The following IFT140 variants were observed in gnomAD, a reference collection of about 807,000 sequenced individuals.
The protein encoded by IFT140 is intraflagellar transport protein 140 homolog.
Under a neutral mutation model 164.6 loss-of-function variants are expected in IFT140, and 133 were observed. That is an observed-to-expected ratio of 0.81 (90% confidence interval 0.70 to 0.93). The LOEUF (loss-of-function observed/expected upper bound fraction) is 0.93. Ranked by LOEUF, IFT140 falls within the 40% of genes least tolerant of loss-of-function variation. The probability of loss-of-function intolerance (pLI) is 0.00; values close to 1 mark genes in which losing one functional copy is unlikely to be tolerated. For missense variants in IFT140, 2,045 were observed against 1,972.3 expected, an observed-to-expected ratio of 1.04 and a Z score of -0.70; for synonymous variants, 860 against 817.3, an observed-to-expected ratio of 1.05 and a Z score of -0.89.
intron 19 of IFT140, among the ~76,000 whole-genome samples, chr16:1,550,792 A>T (rs745926557): frequency 6.6e-6 from 1 of 152,194 alleles, no homozygotes; most frequent in African/African-American, 2.4e-5. Context: ...TGACTTCCCC[A>T]TCTCTCTAAG....
intron 19 of IFT140, 24 bp downstream of exon 19, chr16:1,557,911 C>T (rs769385632): frequency 1.5e-5 from 24 of 1,608,534 alleles, no homozygotes; most frequent in Middle Eastern, 2.0e-4. Context: ...TATCTCCCAA[C>T]ATCCCAGTGG....
intron 4 of IFT140, among the ~76,000 whole-genome samples, chr16:1,600,202 A>G (rs1181958134): frequency 1.4e-5 from 2 of 146,118 alleles, no homozygotes; most frequent in South Asian, 2.3e-4. Flanking sequence ...TCAGGGTTGA[A>G]TGGATTAAGG....
chr16:1,568,155 C>T, intron 15 of IFT140, 62 bp downstream of exon 15: 6 of 1,202,784 alleles, frequency 5.0e-6, no homozygotes, highest in Non-Finnish European at 7.2e-6. Context: ...AGGCAGGAGG[C>T]CTGGCCTGGG....
rs757082667 is a variant in IFT140, at chr16:1,602,557, G to A, written c.182C>T (p.Pro61Leu). The A allele has an allele frequency of 4.3e-6, 7 of 1,613,482 alleles. No homozygotes were observed. Among genetic ancestry groups the A allele is most frequent in the East Asian group, 2.2e-5 (1 of 44,906 alleles). ...ECVPDTHVERPFRVASLCWHP... is the reference protein window; with the variant it reads ...ECVPDTHVERLFRVASLCWHP... ...CCAGCACAGGGAAGCAACCCGGAAC[G>A]GCCTCTCGACGTGTGTATCTGGCAC... The change falls in exon 4 of 31, where the codon CCG becomes CTG. Residue 61 changes from proline (P) to leucine (L), a missense_variant. Transcript: ENST00000426508.
Position 1,568,200 on chromosome 16 carries a change from A to G in IFT140, c.1770+17T>C, listed in dbSNP as rs1355880274. Reference sequence around the variant, plus strand: ...GTGAGGAGGCGGAGTGGGCGAGTGGACGAGGGGTGGCCTCACCTTGCTGGG... The same window carrying G: ...GTGAGGAGGCGGAGTGGGCGAGTGGGCGAGGGGTGGCCTCACCTTGCTGGG... On this transcript the variant is annotated intron_variant, in intron 15 of 30. Coordinates refer to ENST00000426508, the MANE Select transcript of IFT140 (RefSeq NM_014714.4). 6.4e-7 allele frequency: 1 copy of G among 1,562,208 alleles called. No individual in the cohort carries two copies. The highest frequency in any genetic ancestry group is 1.8e-5 in the Admixed American group (1 of 54,258).
In IFT140 at chr16:1,520,489, A is replaced by C. The variant is rs2040489650; in HGVS notation, c.3660+113T>G. ...TAGTGGTTGTGCTCTTCCTGGCCAGAAAGGCTCAGCCCTAGCTTGGGGTCA... is the reference window on the plus strand; with the variant it reads ...TAGTGGTTGTGCTCTTCCTGGCCAGCAAGGCTCAGCCCTAGCTTGGGGTCA... On this transcript the variant is annotated intron_variant, in intron 27 of 30. Coordinates refer to ENST00000426508, the MANE Select transcript of IFT140 (RefSeq NM_014714.4). The C allele has an allele frequency of 1.3e-5, 18 of 1,368,554 alleles. 1 individual carries two copies. The South Asian group carries it at 2.1e-4, about 16-fold the overall frequency. The allele number at this position is 1,368,554 out of a possible 1,614,324, so 84.8% of individuals were successfully genotyped here.
chr16:1,602,697 T>A, intron 3 of IFT140, 106 bp from the exon 4 acceptor site: 2 of 1,011,264 alleles, frequency 2.0e-6, no homozygotes, highest in South Asian at 2.9e-5. Flanking sequence ...ATTACAGCAC[T>A]TTGGGAGGCT....
intron 18 of IFT140, among the ~76,000 whole-genome samples, chr16:1,561,054 C>T (rs1376459312): frequency 4.6e-5 from 7 of 152,236 alleles, no homozygotes; most frequent in African/African-American, 7.2e-5. Context: ...CACAGGCCGG[C>T]GCCAGCTGGG....
intron 10 of IFT140, among the ~76,000 whole-genome samples, chr16:1,585,009 A>T (rs2034792316): frequency 6.6e-6 from 1 of 152,240 alleles, no homozygotes; most frequent in African/African-American, 2.4e-5. Flanking sequence ...GAGCTGAAGG[A>T]AACCAGCCTG....
chr16:1,567,015 A>G (rs530847389), intron 15 of IFT140, among the ~76,000 whole-genome samples: 26 of 152,140 alleles, frequency 1.7e-4, no homozygotes, highest in African/African-American at 6.0e-4. Flanking sequence ...GGGACTGCCC[A>G]CTGGCTGCCT....
chr16:1,541,890 T>C (rs2031679593), intron 19 of IFT140: 2 of 1,557,134 alleles, frequency 1.3e-6, no homozygotes, highest in Middle Eastern at 1.7e-4. Flanking sequence ...CCACCTGCAC[T>C]CACCACTGCC....
Position 1,562,530 on chromosome 16 carries a change from T to G in IFT140, c.2068-414A>C, listed in dbSNP as rs1003162646. 3.9e-5 allele frequency among the ~76,000 whole-genome samples: 6 copies of G among 152,054 alleles called. No homozygotes were observed. The East Asian group carries it at 1.2e-3, about 29-fold the overall frequency. On this transcript the variant is annotated intron_variant, in intron 17 of 30. Transcript: ENST00000426508. ...GGCTCACGCCTGTAATCCCAGCACT[T>G]TGGGAGGCTGAGGTGGGCGGATCAC...
At chr16:1,556,575 G>A (rs2033098708) in intron 19 of IFT140, among the ~76,000 whole-genome samples, 1 of 152,232 alleles carries the variant, frequency 6.6e-6, no homozygotes, top group Admixed American at 6.5e-5. Flanking sequence ...TGTGAGGCCC[G>A]TATTGCTCCA....
intron 30 of IFT140, among the ~76,000 whole-genome samples, chr16:1,511,370 A>G (rs538279374): frequency 6.6e-6 from 1 of 152,326 alleles, no homozygotes; most frequent in South Asian, 2.1e-4. Context: ...TGGACACTCA[A>G]CAGGAAGCTT....
Position 1,607,281 on chromosome 16 carries a change from C to G in IFT140, c.-15G>C. ...TAGAGGGCCATGACGGAACTCAGGC[C>G]TCCTCAGCGCTGAAACCTGCAGGGA... is the stretch of plus-strand genomic sequence containing the variant. On this transcript the variant is annotated 5_prime_UTR_variant, in exon 3 of 31. Coordinates refer to ENST00000426508, the MANE Select transcript of IFT140 (RefSeq NM_014714.4). 6.2e-7 allele frequency: 1 copy of G among 1,606,676 alleles called. No homozygotes were observed. Among genetic ancestry groups the G allele is most frequent in the Non-Finnish European group, 8.5e-7 (1 of 1,177,030 alleles).
intron 13 of IFT140, among the ~76,000 whole-genome samples, chr16:1,579,063 T>C (rs1342945831): frequency 1.3e-5 from 2 of 152,238 alleles, no homozygotes; most frequent in African/African-American, 2.4e-5. Context: ...CAGCCTATTG[T>C]TGACAACAAG....
intron 19 of IFT140, among the ~76,000 whole-genome samples, chr16:1,528,031 C>T (rs1229600325): frequency 1.3e-5 from 2 of 152,188 alleles, no homozygotes; most frequent in Non-Finnish European, 1.5e-5. Flanking sequence ...ACCGTGTGTC[C>T]GCATGTGTGT....
At chr16:1,570,760 T>C (rs1294567574) in intron 14 of IFT140, among the ~76,000 whole-genome samples, 2 of 152,160 alleles carry the variant, frequency 1.3e-5, no homozygotes, top group Non-Finnish European at 2.9e-5. Flanking sequence ...TCTAACATTC[T>C]AAGTGATTTT....
intron 26 of IFT140, among the ~76,000 whole-genome samples, chr16:1,522,849 C>T (rs970604784): frequency 1.8e-4 from 27 of 152,220 alleles, no homozygotes; most frequent in African/African-American, 4.3e-4. Flanking sequence ...ATGGCATCTC[C>T]GTGAATTTTG....
Sources: allele counts gnomAD v4.1 joint callset (sites outside exome capture counted in the v4.1 genomes callset), GRCh38; gene constraint gnomAD v4.1.1; transcripts MANE v1.5; gene names NCBI Gene and HGNC (gene_info 2026-07-23, HGNC 2026-07-21).